MROH9: variants seen among roughly 807,000 people sequenced by gnomAD.
The protein encoded by MROH9 is maestro heat like repeat family member 9, also known as maestro heat-like repeat-containing protein family member 9.
Under a neutral mutation model 98.2 loss-of-function variants are expected in MROH9, and 92 were observed. That is an observed-to-expected ratio of 0.94 (90% CI 0.79 to 1.11). MROH9 has a LOEUF of 1.11. MROH9 is among the 50% of genes most tolerant of loss of function. The probability of loss-of-function intolerance (pLI) is 0.00; values close to 1 mark genes in which losing one functional copy is unlikely to be tolerated. For missense variants in MROH9, 1,057 were observed against 1,014.8 expected, an observed-to-expected ratio of 1.04 and a Z score of -0.57; for synonymous variants, 397 against 368.9, an observed-to-expected ratio of 1.08 and a Z score of -0.87.
chr1:170,946,884 G>A (rs145286504), intron 2 of MROH9, among the ~76,000 whole-genome samples: 3,542 of 151,844 alleles, frequency 0.023, 64 homozygotes, highest in South Asian at 0.047. Flanking sequence ...AAATTTAAAA[G>A]CCCCTTATAC....
At chr1:170,989,829 G>C in intron 10 of MROH9, 26 bp from the exon 11 acceptor site, 1 of 1,579,182 alleles carries the variant, frequency 6.3e-7, no homozygotes, top group Non-Finnish European at 8.7e-7. Context: ...GGAGATTCTT[G>C]TTTACCTGTG....
intron 20 of MROH9, among the ~76,000 whole-genome samples, chr1:171,038,819 T>C (rs1439294357): frequency 6.6e-6 from 1 of 152,156 alleles, no homozygotes; most frequent in East Asian, 1.9e-4. Context: ...ATATAGTTAT[T>C]TAAATGGTCA....
chr1:171,026,800 A>G (rs1024361768), intron 20 of MROH9, among the ~76,000 whole-genome samples: 5 of 152,236 alleles, frequency 3.3e-5, no homozygotes, highest in African/African-American at 1.2e-4. Flanking sequence ...GATGAAAGTT[A>G]TGATAAATAT....
At chr1:171,049,533 T>C (rs971691658) in intron 20 of MROH9, among the ~76,000 whole-genome samples, 1 of 152,154 alleles carries the variant, frequency 6.6e-6, no homozygotes, top group African/African-American at 2.4e-5. Context: ...GAGTCATTGA[T>C]CTGGGTAATG....
intron 20 of MROH9, among the ~76,000 whole-genome samples, chr1:171,050,631 A>T (rs6423173): frequency 6.6e-6 from 1 of 151,632 alleles, no homozygotes; most frequent in Non-Finnish European, 1.5e-5. Flanking sequence ...GATTTGACAT[A>T]ATCTTTTCCA....
chr1:171,057,756 G>A (rs916529493), intron 20 of MROH9, among the ~76,000 whole-genome samples: 5 of 152,144 alleles, frequency 3.3e-5, no homozygotes, highest in Non-Finnish European at 5.9e-5. Context: ...CCAATCAGAC[G>A]AAGAGTGGAC....
At chr1:171,016,762 T>C (rs538786608) in intron 17 of MROH9, among the ~76,000 whole-genome samples, 1 of 152,302 alleles carries the variant, frequency 6.6e-6, no homozygotes, top group South Asian at 2.1e-4. Flanking sequence ...AAGAATTAGA[T>C]TTGATATTTG....
At chr1:170,950,918 AT>A (rs1649528040) in intron 3 of MROH9, among the ~76,000 whole-genome samples, 1 of 151,494 alleles carries the variant, frequency 6.6e-6, no homozygotes, top group African/African-American at 2.4e-5. Flanking sequence ...TTTATTCTTT[AT>A]TTTCTTTTAG....
chr1:170,965,935 T>C (rs912353070), intron 7 of MROH9, among the ~76,000 whole-genome samples: 3 of 152,128 alleles, frequency 2.0e-5, no homozygotes, highest in Non-Finnish European at 4.4e-5. Context: ...TTTATTATTT[T>C]AAATACAGTA....
intron 17 of MROH9, among the ~76,000 whole-genome samples, chr1:171,021,556 A>G (rs915624992): frequency 5.9e-5 from 9 of 152,196 alleles, no homozygotes; most frequent in Non-Finnish European, 1.2e-4. Context: ...GGCTAGCCAC[A>G]TGCAGAAAAC....
At chr1:170,981,952 G>A (rs928308610) in intron 8 of MROH9, among the ~76,000 whole-genome samples, 2 of 152,168 alleles carry the variant, frequency 1.3e-5, no homozygotes, top group African/African-American at 2.4e-5. Flanking sequence ...GCTATGTGTT[G>A]TTAAGGATGT....
intron 8 of MROH9, among the ~76,000 whole-genome samples, chr1:170,973,744 G>T (rs906533083): frequency 2.6e-5 from 4 of 152,064 alleles, no homozygotes; most frequent in African/African-American, 9.7e-5. Flanking sequence ...GCATGGTGGT[G>T]CGTGCCTGTA....
At position 170,971,824 on chromosome 1, in the gene MROH9, T is replaced by A. The variant is rs776238037; in HGVS notation, c.557T>A (p.Ile186Asn). The A allele has an allele frequency of 8.7e-6, 14 of 1,613,934 alleles. No homozygotes were observed. In the East Asian group the frequency reaches 3.1e-4, roughly 36 times the overall value. ...TTGTGTTCCCATGAAGATCCCTCGATTGTAAAACAAGCATCATTGGGAATG... is the reference window on the plus strand; with the variant it reads ...TTGTGTTCCCATGAAGATCCCTCGAATGTAAAACAAGCATCATTGGGAATG... ...SLLCSHEDPSIVKQASLGMCH... is the reference protein window; with the variant it reads ...SLLCSHEDPSNVKQASLGMCH... Residue 186 changes from isoleucine to asparagine, a missense_variant, in exon 8 of 22, where the codon ATT (isoleucine) becomes AAT (asparagine). By Grantham distance (149) the Ile-to-Asn change is moderately radical. Coordinates refer to ENST00000367759, the MANE Select transcript of MROH9 (RefSeq NM_001163629.2).
chr1:170,947,769 C>T (rs773880803), intron 3 of MROH9, among the ~76,000 whole-genome samples, 196 bp downstream of exon 3: 1 of 151,962 alleles, frequency 6.6e-6, no homozygotes, highest in African/African-American at 2.4e-5. Context: ...TCTTCATTCT[C>T]TCATGCTCCT....
chr1:170,989,190 G>GA (rs1651259960), intron 10 of MROH9, among the ~76,000 whole-genome samples: 1 of 151,954 alleles, frequency 6.6e-6, no homozygotes, highest in Admixed American at 6.6e-5. Context: ...AATTTAAGAA[G>GA]AAAAAAATGC....
At chr1:171,024,849 G>A (rs1016280156) in intron 19 of MROH9, 84 bp downstream of exon 19, 8 of 765,568 alleles carry the variant, frequency 1.0e-5, no homozygotes, top group Middle Eastern at 3.7e-4. Flanking sequence ...CTGTAATGGG[G>A]ATAAGAGTGG....
In MROH9 at chr1:171,064,186, A is replaced by T; in HGVS notation, c.2432A>T (p.Lys811Ile). 6.4e-7 allele frequency: 1 copy of T among 1,551,526 alleles called. No homozygotes were observed. Among genetic ancestry groups the T allele is most frequent in the Non-Finnish European group, 8.7e-7 (1 of 1,146,912 alleles). The change falls in exon 22 of 22, where the codon AAA becomes ATA. Residue 811 changes from lysine (K) to isoleucine (I), a missense_variant. Lys to Ile is a moderately radical substitution (Grantham distance 102, BLOSUM62 -3). Transcript: ENST00000367759. ...TYDIFKKKAH[K>I]LTSAPLKQNF... ...GATATTTTTAAGAAAAAAGCCCATA[A>T]ACTGACCTCTGCACCTCTTAAACAA...
chr1:170,957,483 A>G (rs1034355316), intron 3 of MROH9, among the ~76,000 whole-genome samples: 5 of 152,140 alleles, frequency 3.3e-5, no homozygotes, highest in African/African-American at 1.2e-4. Context: ...TTGACCATAT[A>G]TTAATAGATT....
chr1:170,996,733 C>A, intron 14 of MROH9, 89 bp downstream of exon 14: 1 of 1,257,214 alleles, frequency 8.0e-7, no homozygotes. Flanking sequence ...ACAAGATAGG[C>A]ATCTATTCCA....
Sources: gnomAD v4.1 joint callset for allele counts (sites outside exome capture counted in the v4.1 genomes callset) on GRCh38, gnomAD v4.1.1 for gene constraint, MANE v1.5 for transcripts, NCBI Gene and HGNC (gene_info 2026-07-23, HGNC 2026-07-21) for gene names.